VPS13D: variants seen among roughly 807,000 people sequenced by gnomAD.
VPS13D encodes the protein vacuolar protein sorting 13 homolog D.
In VPS13D, 187 loss-of-function variants were observed where a neutral mutation model predicts 461.9. The observed-to-expected ratio is 0.40, with a 90% confidence interval of 0.36 to 0.46. The LOEUF is 0.46. VPS13D is among the 20% of genes least tolerant of loss of function. VPS13D has a pLI of 0.60. For missense variants in VPS13D, 4,711 were observed against 5,364.9 expected (o/e 0.88, Z 3.81); for synonymous variants, 1,951 against 1,986.3 (o/e 0.98, Z 0.47).
intron 65 of VPS13D, among the ~76,000 whole-genome samples, chr1:12,443,849 CTT>C (rs796680444): frequency 7.0e-6 from 1 of 143,356 alleles, no homozygotes; most frequent in Non-Finnish European, 1.5e-5. Context: ...TTTTGTTTTT[CTT>C]TTTTTTTTTT....
At chr1:12,296,330 T>C (rs1411866316) in intron 24 of VPS13D, among the ~76,000 whole-genome samples, 5 of 152,260 alleles carry the variant, frequency 3.3e-5, no homozygotes, top group African/African-American at 1.2e-4. Context: ...CCAACACTCT[T>C]ATTGTCAGAC....
intron 65 of VPS13D, among the ~76,000 whole-genome samples, chr1:12,434,466 A>G (rs1193202890): frequency 2.0e-5 from 3 of 152,146 alleles, no homozygotes; most frequent in Admixed American, 1.3e-4. Flanking sequence ...CACAGCATGC[A>G]CTATCTTGAA....
In VPS13D at chr1:12,349,235, C is replaced by T; in HGVS notation, c.9292C>T (p.Leu3098=). 6.2e-7 allele frequency: 1 copy of T among 1,614,198 alleles called. No homozygotes were observed. The highest frequency in any genetic ancestry group is 8.5e-7 in the Non-Finnish European group (1 of 1,180,042). ...AVPLHLTSWR[L]QARPKGLGVF... is the part of the protein sequence containing the mutation. ...GCCTTTACACCTCACTTCTTGGCGGCTACAGGCCCGGCCCAAAGGATTGGG... is the reference window on the plus strand; with the variant it reads ...GCCTTTACACCTCACTTCTTGGCGGTTACAGGCCCGGCCCAAAGGATTGGG... Residue 3098 remains leucine (L), a synonymous_variant, in exon 46 of 70, where the codon CTA becomes TTA. Transcript: ENST00000620676.
chr1:12,371,256 G>T (rs1644112011), intron 54 of VPS13D, among the ~76,000 whole-genome samples: 1 of 152,060 alleles, frequency 6.6e-6, no homozygotes, highest in South Asian at 2.1e-4. Flanking sequence ...TCTGCTTTTG[G>T]TCTCTATGGG....
Position 12,507,300 on chromosome 1 carries a change from C to T in VPS13D, c.13035+207C>T, listed in dbSNP as rs1375807572. On this transcript the variant is annotated intron_variant, in intron 69 of 69. Coordinates refer to ENST00000620676, the MANE Select transcript of VPS13D (RefSeq NM_015378.4). The surrounding 1 kb of genome is among the most constrained non-coding windows in gnomAD (Gnocchi z 5.3). Reference sequence around the variant, plus strand: ...CCCTCCCAGCTGGCCCATGGGTGACCCTGGGAACATTAACTGCCTCACAAC... The same window carrying T: ...CCCTCCCAGCTGGCCCATGGGTGACTCTGGGAACATTAACTGCCTCACAAC... 5.7e-6 allele frequency: 5 copies of T among 881,198 alleles called. No individual in the cohort carries two copies. Among genetic ancestry groups the T allele is most frequent in the Admixed American group, 1.7e-5 (1 of 58,760 alleles). The allele number at this position is 881,198 out of a possible 1,614,324, so 54.6% of individuals were successfully genotyped here.
At chr1:12,241,513 A>G (rs1351974195) in intron 2 of VPS13D, among the ~76,000 whole-genome samples, 1 of 152,152 alleles carries the variant, frequency 6.6e-6, no homozygotes, top group African/African-American at 2.4e-5. Flanking sequence ...CTCTTTTTAC[A>G]TTTTCAGTGG....
At chr1:12,278,059 G>C (rs368828920) in intron 19 of VPS13D, 21 bp downstream of exon 19, 59 of 1,576,186 alleles carry the variant, frequency 3.7e-5, no homozygotes, top group Non-Finnish European at 4.7e-5. Context: ...TCAGTCTTTT[G>C]TTCTATTTTG....
At chr1:12,460,435 C>G (rs370748541) in intron 67 of VPS13D, 39 bp downstream of exon 67, 11 of 1,505,782 alleles carry the variant, frequency 7.3e-6, no homozygotes, top group Non-Finnish European at 9.8e-6. Context: ...CAGTTTCCAG[C>G]CTAGGTCTGC....
chr1:12,231,098 G>A (rs1160439673), intron 1 of VPS13D, among the ~76,000 whole-genome samples: 1 of 152,220 alleles, frequency 6.6e-6, no homozygotes, highest in Non-Finnish European at 1.5e-5. Flanking sequence ...CGCTCCTCAG[G>A]GGAGGGGCCT....
Position 12,282,996 on chromosome 1 carries a change from A to G in VPS13D, c.4894A>G (p.Ser1632Gly). The G allele has an allele frequency of 6.2e-7, 1 of 1,614,174 alleles. No individual in the cohort carries two copies. The highest frequency in any genetic ancestry group is 8.5e-7 in the Non-Finnish European group (1 of 1,180,014). Residue 1632 changes from serine (S) to glycine (G), a missense_variant, in exon 21 of 70, where the codon AGT (serine) becomes GGT (glycine). Around this residue, in one of 3 missense-constraint regions of VPS13D, gnomAD observed 4,411 missense variants for 4,937.8 expected, o/e 0.89. Coordinates refer to ENST00000620676, the MANE Select transcript of VPS13D (RefSeq NM_015378.4). ...TATATCAGAGCTTCAGGTTCAGCTAAGTGGAGATCTGACTTTGGGGGCCCA... is the reference window on the plus strand; with the variant it reads ...TATATCAGAGCTTCAGGTTCAGCTAGGTGGAGATCTGACTTTGGGGGCCCA... ...FCISELQVQLSGDLTLGAQGL... is the reference protein window; with the variant it reads ...FCISELQVQLGGDLTLGAQGL...
intron 65 of VPS13D, among the ~76,000 whole-genome samples, chr1:12,441,209 G>A (rs965592356): frequency 6.6e-6 from 1 of 152,214 alleles, no homozygotes; most frequent in Non-Finnish European, 1.5e-5. Context: ...TTACAGGTGT[G>A]AGCAACTGTG....
At position 12,473,007 on chromosome 1, in the gene VPS13D, A is replaced by T. The variant is rs1645582199; in HGVS notation, c.12662+12611A>T. Among the ~76,000 whole-genome samples, 1 of 152,160 alleles carries T rather than the reference A, an allele frequency of 6.6e-6. No individual in the cohort carries two copies. The highest frequency in any genetic ancestry group is 2.4e-5 in the African/African-American group (1 of 41,430). ...CTCTCATTCTGTGTGTTGTAAAGAA[A>T]CAGGTTGTGGAAGGCTCTTGTCAGA... On this transcript the variant is annotated intron_variant, in intron 67 of 69. Transcript: ENST00000620676. This position sits in a 1 kb window ranked among gnomAD's most constrained non-coding sequence, Gnocchi z 4.2.
intron 65 of VPS13D, among the ~76,000 whole-genome samples, chr1:12,442,852 G>T (rs1645147364): frequency 6.6e-6 from 1 of 152,140 alleles, no homozygotes; most frequent in Non-Finnish European, 1.5e-5. Context: ...GCCTCCCAAA[G>T]TGCTGGGATT....
intron 67 of VPS13D, among the ~76,000 whole-genome samples, chr1:12,484,805 A>G (rs2100500419): frequency 6.6e-6 from 1 of 152,258 alleles, no homozygotes; most frequent in East Asian, 1.9e-4. Flanking sequence ...TCGGAGGGTT[A>G]CATGCTCCTT....
At chr1:12,506,702 CA>C in intron 68 of VPS13D, 150 bp from the exon 69 acceptor site, 2 of 1,059,220 alleles carry the variant, frequency 1.9e-6, no homozygotes, top group South Asian at 3.2e-5. Context: ...CAAACACCCA[CA>C]AGATAGAATT....
intron 21 of VPS13D, among the ~76,000 whole-genome samples, chr1:12,285,283 TA>T (rs1321955033): frequency 6.0e-5 from 9 of 149,326 alleles, no homozygotes; most frequent in African/African-American, 2.2e-4. Flanking sequence ...TTTATTTATT[TA>T]TTTATTTATT....
rs1408292249 is a variant in VPS13D at position 12,290,902 on chromosome 1, C to G, written c.5726-96C>G. On this transcript the variant is annotated intron_variant, in intron 22 of 69. Transcript: ENST00000620676. ...GAGGTTTGATTACAAAGTGAAAAGT[C>G]TGAGGCATGTGTATACCAGCTTTTG... is the stretch of plus-strand genomic sequence containing the variant. 4 of 1,213,018 alleles carry G rather than the reference C, an allele frequency of 3.3e-6. 1 individual carries two copies. Among genetic ancestry groups the G allele is most frequent in the African/African-American group, 1.6e-5 (1 of 63,976 alleles). The allele number at this position is 1,213,018 out of a possible 1,614,324, so 75.1% of individuals were successfully genotyped here.
At position 12,323,772 on chromosome 1, in the gene VPS13D, C is replaced by T. The variant is rs1643106051; in HGVS notation, c.7982C>T (p.Ala2661Val). Residue 2661 changes from alanine (A) to valine (V), a missense_variant, in exon 35 of 70, where the codon GCG becomes GTG. By Grantham distance (64) the Ala-to-Val change is moderately conservative (BLOSUM62 0). This residue lies in a region of VPS13D where 4,411 missense variants were observed against 4,937.8 expected (regional missense o/e 0.89). Coordinates refer to ENST00000620676, the MANE Select transcript of VPS13D (RefSeq NM_015378.4). ...GATGATTGTCGCAAAGCTCTTTTGG[C>T]GTGTCAAGGTAATTTGAACAGGGTT... ...SMDDCRKALL[A>V]CQGQLKKAAS... 7 of 1,613,876 alleles carry T rather than the reference C, an allele frequency of 4.3e-6. No homozygotes were observed. The East Asian group carries it at 6.7e-5, about 15-fold the overall frequency.
At chr1:12,304,796 G>C (rs903880111) in intron 26 of VPS13D, 68 bp downstream of exon 26, 3 of 1,470,048 alleles carry the variant, frequency 2.0e-6, no homozygotes, top group African/African-American at 1.4e-5. Flanking sequence ...AGGAAACTGA[G>C]GGGGGTGGGC....
Sources: gnomAD v4.1 joint callset for allele counts (sites outside exome capture counted in the v4.1 genomes callset) on GRCh38, gnomAD v4.1.1 for gene constraint, gnomAD v4.1.1 regional missense constraint, Gnocchi (gnomAD v3.1) non-coding constraint, MANE v1.5 for transcripts, NCBI Gene and HGNC (gene_info 2026-07-23, HGNC 2026-07-21) for gene names.